MAP2K5: variants seen among roughly 807,000 people sequenced by gnomAD.
The protein encoded by MAP2K5 is mitogen-activated protein kinase kinase 5.
In MAP2K5, 49 loss-of-function variants were observed where a neutral mutation model predicts 83.1. That is an observed-to-expected ratio of 0.59 (90% CI 0.47 to 0.75). The LOEUF (loss-of-function observed/expected upper bound fraction) is 0.75, where lower values mean the gene tolerates loss of function less well. MAP2K5 is among the 30% of genes least tolerant of loss of function. MAP2K5 has a pLI of 0.00. For missense variants in MAP2K5, 457 were observed against 557.5 expected (o/e 0.82, Z 1.82); for synonymous variants, 202 against 191.8 (o/e 1.05, Z -0.44).
At chr15:67,642,102 G>A (rs147938215) in intron 9 of MAP2K5, among the ~76,000 whole-genome samples, 16 of 152,286 alleles carry the variant, frequency 1.1e-4, no homozygotes, top group Middle Eastern at 3.4e-3. Context: ...TTAGAGTACA[G>A]CAGATTAGCT....
chr15:67,569,848 TC>T (rs1203979070), intron 3 of MAP2K5, among the ~76,000 whole-genome samples: 2 of 152,222 alleles, frequency 1.3e-5, no homozygotes, highest in Non-Finnish European at 2.9e-5. Flanking sequence ...TGTGGAGGGT[TC>T]CGCTTAGCCT....
At chr15:67,686,943 G>C (rs866005428) in intron 13 of MAP2K5, among the ~76,000 whole-genome samples, 1 of 152,102 alleles carries the variant, frequency 6.6e-6, no homozygotes, top group Non-Finnish European at 1.5e-5. Flanking sequence ...GCAAAGATTG[G>C]TTTGAGGATG....
At chr15:67,788,511 T>C (rs1366052251) in intron 21 of MAP2K5, among the ~76,000 whole-genome samples, 1 of 152,240 alleles carries the variant, frequency 6.6e-6, no homozygotes. Context: ...TAGTACCCAC[T>C]GCATGGAAAG....
rs1053251607 is a variant in MAP2K5 at position 67,563,683 on chromosome 15, A to G, written c.252+333A>G. Reference sequence around the variant, plus strand: ...AAAATGAACCCCTGGGCTCTAAAAAATTTTTCAAAATCTACTTTCAACTGG... The same window carrying G: ...AAAATGAACCCCTGGGCTCTAAAAAGTTTTTCAAAATCTACTTTCAACTGG... On this transcript the variant is annotated intron_variant, in intron 3 of 21. Coordinates refer to ENST00000178640, the MANE Select transcript of MAP2K5 (RefSeq NM_145160.3). This position sits in a 1 kb window ranked among gnomAD's most constrained non-coding sequence, Gnocchi z 4.5. 1.3e-5 allele frequency among the ~76,000 whole-genome samples: 2 copies of G among 152,102 alleles called. No individual in the cohort carries two copies. Among genetic ancestry groups the G allele is most frequent in the African/African-American group, 4.8e-5 (2 of 41,402 alleles).
rs912922367 is a variant in MAP2K5, at chr15:67,636,563, A to T, written c.585+5636A>T. Among the ~76,000 whole-genome samples the T allele has an allele frequency of 2.0e-5, 3 of 151,420 alleles. No homozygotes were observed. The highest frequency in any genetic ancestry group is 2.9e-5 in the Non-Finnish European group (2 of 67,880). ...TTTCACTTTTTTTTCATATCTTATA[A>T]TTTTTTTTAAGTGAAAAGCAAGTTT... On this transcript the variant is annotated intron_variant, in intron 9 of 21. Coordinates refer to ENST00000178640, the MANE Select transcript of MAP2K5 (RefSeq NM_145160.3). This position sits in a 1 kb window ranked among gnomAD's most constrained non-coding sequence, Gnocchi z 4.7.
intron 17 of MAP2K5, among the ~76,000 whole-genome samples, chr15:67,741,330 A>G (rs1457512659): frequency 6.6e-6 from 1 of 152,228 alleles, no homozygotes; most frequent in African/African-American, 2.4e-5. Context: ...GCATGACTGT[A>G]AAGCCTAGTC....
rs1006310758 is a variant in MAP2K5 at position 67,806,584 on chromosome 15, A to G, written c.1243-62A>G. 4.2e-6 allele frequency: 6 copies of G among 1,425,258 alleles called. No homozygotes were observed. The African/African-American group carries it at 7.1e-5, about 17-fold the overall frequency. 88.3% of individuals were successfully genotyped at this position (1,425,258 alleles called of 1,614,324 possible). The stretch of plus-strand genomic sequence containing the variant: ...GATCCAGGCTGAGGGCAGGCCCTGG[A>G]AAGTACAATGAGCGCGGGAGTCCGA... On this transcript the variant is annotated intron_variant, in intron 21 of 21. Transcript: ENST00000178640.
chr15:67,789,137 T>C (rs1244736114), intron 21 of MAP2K5, among the ~76,000 whole-genome samples: 2 of 152,188 alleles, frequency 1.3e-5, no homozygotes, highest in African/African-American at 4.8e-5. Flanking sequence ...TGCACCTTGC[T>C]TTTTTACTTA....
At position 67,690,436 on chromosome 15, in the gene MAP2K5, G is replaced by T. The variant is rs151170066; in HGVS notation, c.848-2043G>T. ...GATGTAGTGAAAGTGGTATATTTAA[G>T]GTTTAATATGATGATGGTATAAGAA... On this transcript the variant is annotated intron_variant, in intron 13 of 21. Transcript: ENST00000178640. The surrounding 1 kb of genome is among the most constrained non-coding windows in gnomAD (Gnocchi z 4.3). Among the ~76,000 whole-genome samples, 35 of 152,172 alleles carry T rather than the reference G, an allele frequency of 2.3e-4. No individual in the cohort carries two copies. The East Asian group carries it at 4.3e-3, about 18-fold the overall frequency.
At chr15:67,608,297 C>T (rs1013916798) in intron 8 of MAP2K5, among the ~76,000 whole-genome samples, 4 of 152,144 alleles carry the variant, frequency 2.6e-5, no homozygotes, top group Admixed American at 2.0e-4. Flanking sequence ...TCAGAGAGCA[C>T]CCAGAGGAGC....
At chr15:67,799,821 A>C (rs2090669601) in intron 21 of MAP2K5, among the ~76,000 whole-genome samples, 1 of 152,170 alleles carries the variant, frequency 6.6e-6, no homozygotes. Context: ...AGCCAGGAGA[A>C]GGGAGGCCCC....
chr15:67,570,953 G>A (rs2084936370), intron 3 of MAP2K5, among the ~76,000 whole-genome samples: 4 of 152,204 alleles, frequency 2.6e-5, no homozygotes, highest in Admixed American at 2.6e-4. Context: ...GGAGAGATTT[G>A]AGAAACTCTC....
intron 6 of MAP2K5, among the ~76,000 whole-genome samples, chr15:67,590,438 C>CCTCT (rs1356448090): frequency 3.0e-5 from 2 of 67,298 alleles, no homozygotes; most frequent in African/African-American, 1.2e-4. Context: ...TCTCTCTCTC[C>CCTCT]CTCCCTCCCT....
intron 13 of MAP2K5, among the ~76,000 whole-genome samples, chr15:67,678,921 G>A (rs1241220424): frequency 7.5e-6 from 1 of 132,834 alleles, no homozygotes; most frequent in South Asian, 2.3e-4. Flanking sequence ...GTGAGATCGT[G>A]CCACTGCACT....
At chr15:67,803,617 C>A (rs2090744597) in intron 21 of MAP2K5, among the ~76,000 whole-genome samples, 1 of 152,164 alleles carries the variant, frequency 6.6e-6, no homozygotes, top group African/African-American at 2.4e-5. Flanking sequence ...TCAGTGTCCT[C>A]TCCTCTAACA....
rs72747499 is a variant in MAP2K5 at position 67,552,143 on chromosome 15, T to A, written c.184+2061T>A. 0.061 allele frequency among the ~76,000 whole-genome samples: 9,251 copies of A among 152,260 alleles called. 407 individuals are homozygous for A. Among genetic ancestry groups the A allele is most frequent in the Non-Finnish European group, 0.088 (5,984 of 68,006 alleles). ...GTATGTTTCTCTATTGTTTGAACAT[T>A]TTTCAACAATCATTGCCTGTTTTTA... On this transcript the variant is annotated intron_variant, in intron 2 of 21. Transcript: ENST00000178640. This position sits in a 1 kb window ranked among gnomAD's most constrained non-coding sequence, Gnocchi z 4.2.
intron 19 of MAP2K5, among the ~76,000 whole-genome samples, chr15:67,756,625 A>G (rs1401341524): frequency 6.6e-6 from 1 of 151,218 alleles, no homozygotes; most frequent in Admixed American, 6.6e-5. Context: ...ATTATTAATT[A>G]TACTCACCAT....
chr15:67,744,360 A>G (rs2089558491), intron 17 of MAP2K5, among the ~76,000 whole-genome samples: 1 of 152,270 alleles, frequency 6.6e-6, no homozygotes, highest in Admixed American at 6.5e-5. Context: ...TTCCAACCAT[A>G]TGATTTAATT....
rs1307215207 is a variant in MAP2K5 at position 67,587,350 on chromosome 15, T to G, written c.431+437T>G. Among the ~76,000 whole-genome samples the G allele has an allele frequency of 6.6e-6, 1 of 152,164 alleles. No homozygotes were observed. Among genetic ancestry groups the G allele is most frequent in the Admixed American group, 6.5e-5 (1 of 15,284 alleles). ...GGGGCCTCGTAGGCCCTGTAATGTT[T>G]GAATTTTCCTTTTGGTGCACTGGCT... On this transcript the variant is annotated intron_variant, in intron 6 of 21. Coordinates refer to ENST00000178640, the MANE Select transcript of MAP2K5 (RefSeq NM_145160.3). This position sits in a 1 kb window ranked among gnomAD's most constrained non-coding sequence, Gnocchi z 4.8.
Sources: allele counts gnomAD v4.1 joint callset (sites outside exome capture counted in the v4.1 genomes callset), GRCh38; gene constraint gnomAD v4.1.1; non-coding constraint Gnocchi (gnomAD v3.1); transcripts MANE v1.5; gene names NCBI Gene and HGNC (gene_info 2026-07-23, HGNC 2026-07-21).